Variants in EXTL3 observed in about 807,000 individuals in gnomAD.
EXTL3 encodes exostosin-like 3.
A neutral mutation model predicts 69.3 loss-of-function variants in EXTL3; 27 were observed. That is an observed-to-expected ratio of 0.39 (90% CI 0.29 to 0.54). The LOEUF (loss-of-function observed/expected upper bound fraction) is 0.54, where lower values mean the gene tolerates loss of function less well. Among genes scored for constraint, EXTL3 ranks in the 20% least tolerant of loss-of-function variants. EXTL3 has a pLI of 0.69. For missense variants in EXTL3, 1,003 were observed against 1,231.8 expected (o/e 0.81, Z 2.78); for synonymous variants, 511 against 499.4 (o/e 1.02, Z -0.31).
At chr8:28,731,017 A>C (rs1056821835) in intron 3 of EXTL3, among the ~76,000 whole-genome samples, 1 of 152,230 alleles carries the variant, frequency 6.6e-6, no homozygotes, top group Non-Finnish European at 1.5e-5. Flanking sequence ...CTAATGAATG[A>C]AGCTTAAAAG....
At chr8:28,680,976 C>G (rs958220153) in intron 1 of EXTL3, among the ~76,000 whole-genome samples, 1 of 152,028 alleles carries the variant, frequency 6.6e-6, no homozygotes, top group Non-Finnish European at 1.5e-5. Context: ...CGCCTGGGTT[C>G]AAGCGATTCT....
chr8:28,733,883 T>A (rs1801593643), intron 4 of EXTL3, among the ~76,000 whole-genome samples: 1 of 151,448 alleles, frequency 6.6e-6, no homozygotes, highest in South Asian at 2.1e-4. Context: ...AGTGGTGTGA[T>A]CTTGGCTCAC....
At chr8:28,663,941 G>A (rs1807155291) in intron 1 of EXTL3, among the ~76,000 whole-genome samples, 3 of 152,206 alleles carry the variant, frequency 2.0e-5, no homozygotes, top group Admixed American at 1.3e-4. Flanking sequence ...CAGGCGTTAC[G>A]AAGTGAATAG....
At chr8:28,622,551 G>A (rs371066596), upstream of EXTL3, among the ~76,000 whole-genome samples, 1 of 151,222 alleles carries the variant, frequency 6.6e-6, no homozygotes, top group Non-Finnish European at 1.5e-5. Flanking sequence ...AGCCGACGCG[G>A]AGGCGGTGGG....
intron 1 of EXTL3, among the ~76,000 whole-genome samples, chr8:28,647,777 C>T (rs1168964848): frequency 6.6e-6 from 1 of 152,050 alleles, no homozygotes; most frequent in Non-Finnish European, 1.5e-5. Flanking sequence ...ATTATCTCTG[C>T]AGGAAATGAT....
chr8:28,694,628 GACAA>G (rs762973561), intron 1 of EXTL3, among the ~76,000 whole-genome samples: 7,450 of 152,228 alleles, frequency 0.049, 232 homozygotes, highest in Admixed American at 0.085. Flanking sequence ...TCTCATTTGT[GACAA>G]AGGACTAATA....
At chr8:28,729,806 T>G (rs1801498444) in intron 3 of EXTL3, among the ~76,000 whole-genome samples, 1 of 150,552 alleles carries the variant, frequency 6.6e-6, no homozygotes, top group South Asian at 2.1e-4. Flanking sequence ...TCGAGACGCC[T>G]GGGGGGAACA....
intron 3 of EXTL3, among the ~76,000 whole-genome samples, chr8:28,730,642 G>C (rs1801515910): frequency 1.3e-5 from 2 of 152,210 alleles, no homozygotes; most frequent in African/African-American, 4.8e-5. Context: ...CGCAGAAGCT[G>C]TTGTACTTGA....
rs1235695973 is a variant in EXTL3, at chr8:28,752,078, G to C, written c.*1212G>C. 1.3e-5 allele frequency: 2 copies of C among 152,272 alleles called. No individual in the cohort carries two copies. Among genetic ancestry groups the C allele is most frequent in the African/African-American group, 4.8e-5 (2 of 41,440 alleles). The allele number at this position is 152,272 out of a possible 1,614,324, so 9.4% of individuals were successfully genotyped here. A position where few individuals can be genotyped will look rare whatever the true frequency, so the allele number is the denominator to read the frequency against. On this transcript the variant is annotated 3_prime_UTR_variant, in exon 7 of 7. Coordinates refer to ENST00000220562, the MANE Select transcript of EXTL3 (RefSeq NM_001440.4). ...ACCCCTAATGTCAGCTTGGCTGTAG[G>C]ACTCCCCGAGGTTTGGTATGTGCTA...
intron 1 of EXTL3, among the ~76,000 whole-genome samples, chr8:28,692,088 G>A (rs1800624204): frequency 1.3e-5 from 2 of 152,116 alleles, no homozygotes; most frequent in Non-Finnish European, 2.9e-5. Flanking sequence ...TTTATGTCAA[G>A]TATCCTTTTT....
chr8:28,675,919 G>A (rs1807374079), intron 1 of EXTL3, among the ~76,000 whole-genome samples: 1 of 151,282 alleles, frequency 6.6e-6, no homozygotes, highest in Admixed American at 6.6e-5. Context: ...CTGCTTGGGA[G>A]GCTGAGGCTG....
chr8:28,729,976 T>C (rs1359554956), intron 3 of EXTL3, among the ~76,000 whole-genome samples: 1 of 152,174 alleles, frequency 6.6e-6, no homozygotes, highest in Non-Finnish European at 1.5e-5. Flanking sequence ...CTTCTAGCTC[T>C]GAATTAATTG....
upstream of EXTL3, chr8:28,697,329 T>C (rs897434699): frequency 9.9e-5 from 15 of 152,148 alleles, no homozygotes; most frequent in African/African-American, 2.9e-4. Flanking sequence ...CCAAAGCTGA[T>C]TGATTAAAGG....
chr8:28,702,164 C>T (rs1800819738), intron 1 of EXTL3, among the ~76,000 whole-genome samples: 2 of 151,944 alleles, frequency 1.3e-5, no homozygotes, highest in African/African-American at 4.8e-5. Context: ...CACATCTGCC[C>T]CCCGCTTCTA....
Position 28,717,430 on chromosome 8 carries a change from C to CG in EXTL3, c.1373dup (p.Ala459CysfsTer45). On this transcript the variant is annotated frameshift_variant, in exon 3 of 7. Transcript: ENST00000220562. LOFTEE classifies it high-confidence loss of function. The surrounding 1 kb of genome is among the most constrained non-coding windows in gnomAD (Gnocchi z 8.3). The stretch of plus-strand genomic sequence containing the variant: ...CACGGCTCTTCGAAGCCCTGGAAGT[C>CG]GGTGCCGTCCCGGTGGTGCTGGGGG... 1.2e-6 allele frequency: 2 copies of CG among 1,614,180 alleles called. No individual in the cohort carries two copies. Among genetic ancestry groups the CG allele is most frequent in the Non-Finnish European group, 1.7e-6 (2 of 1,180,042 alleles).
intron 1 of EXTL3, among the ~76,000 whole-genome samples, chr8:28,638,981 A>G (rs961325245): frequency 2.8e-4 from 39 of 138,422 alleles, no homozygotes; most frequent in African/African-American, 1.1e-3. Flanking sequence ...TGTGTCACCC[A>G]GGCTGCAGTG....
intron 1 of EXTL3, among the ~76,000 whole-genome samples, chr8:28,667,260 C>A (rs1020781724): frequency 1.3e-5 from 2 of 152,130 alleles, no homozygotes; most frequent in Non-Finnish European, 2.9e-5. Context: ...GTGCAGGGGC[C>A]AGTGGATGGA....
intron 5 of EXTL3, chr8:28,740,266 C>T (rs1010955303): frequency 1.1e-4 from 16 of 152,156 alleles, no homozygotes; most frequent in African/African-American, 2.9e-4. Flanking sequence ...TGTGGCTCCT[C>T]GTTTTTCTTA....
At chr8:28,706,825 A>G (rs112308858) in intron 1 of EXTL3, among the ~76,000 whole-genome samples, 53 of 149,518 alleles carry the variant, frequency 3.5e-4, no homozygotes, top group African/African-American at 1.2e-3. Flanking sequence ...CCCCATTTTT[A>G]ATCAAATTTA....
Sources: gnomAD v4.1 joint callset for allele counts (sites outside exome capture counted in the v4.1 genomes callset) on GRCh38, gnomAD v4.1.1 for gene constraint, Gnocchi (gnomAD v3.1) non-coding constraint, MANE v1.5 for transcripts, NCBI Gene and HGNC (gene_info 2026-07-23, HGNC 2026-07-21) for gene names.